The following ANXA8 variants were observed in gnomAD, a reference collection of about 807,000 sequenced individuals.
ANXA8 encodes the protein VAC-beta.
ANXA8 carries 9 observed loss-of-function variants against 26.8 expected under a neutral mutation model. The ratio of observed to expected loss-of-function variants is 0.34; its 90% CI spans 0.20 to 0.59. The LOEUF is 0.59. Ranked by LOEUF, ANXA8 falls within the 20% of genes least tolerant of loss-of-function variation. The pLI is 0.84. For missense variants in ANXA8, 83 were observed against 238.5 expected (o/e 0.35, Z 4.29); for synonymous variants, 39 against 94.8 (o/e 0.41, Z 3.42).
In ANXA8 at chr10:47,474,098, G is replaced by T. The variant is rs1162882361; in HGVS notation, c.647-33C>A. 7.8e-6 allele frequency: 4 copies of T among 515,672 alleles called. No homozygotes were observed. In the African/African-American group the frequency reaches 1.0e-4, roughly 13 times the overall value. 31.9% of individuals were successfully genotyped at this position (515,672 alleles called of 1,614,324 possible). A position where few individuals can be genotyped will look rare whatever the true frequency, so the allele number is the denominator to read the frequency against. On this transcript the variant is annotated intron_variant, in intron 8 of 11. Transcript: ENST00000585281. ...GAGGGCTCTGCTCAGGGGATGGTCAGACCTCCTCGTGATGCCCCTCAGTGT... is the reference window on the plus strand; with the variant it reads ...GAGGGCTCTGCTCAGGGGATGGTCATACCTCCTCGTGATGCCCCTCAGTGT...
chr10:47,528,084 T>G, the ANXA8 span, among the ~76,000 whole-genome samples: 1 of 133,990 alleles, frequency 7.5e-6, no homozygotes, highest in Non-Finnish European at 1.6e-5. Flanking sequence ...AACAGAATGT[T>G]TTTTTTTTTT....
the ANXA8 span, among the ~76,000 whole-genome samples, chr10:47,907,220 G>A: frequency 6.6e-6 from 1 of 152,058 alleles, no homozygotes; most frequent in Non-Finnish European, 1.5e-5. Flanking sequence ...AGCCGGGCGT[G>A]GTGGCGGGTG....
the ANXA8 span, among the ~76,000 whole-genome samples, chr10:47,605,953 A>G: frequency 6.6e-6 from 1 of 150,828 alleles, no homozygotes; most frequent in Non-Finnish European, 1.5e-5. Flanking sequence ...AAAATCAAAC[A>G]TCTATCCTTC....
chr10:47,669,564 A>T, the ANXA8 span, among the ~76,000 whole-genome samples: 1 of 151,738 alleles, frequency 6.6e-6, no homozygotes, highest in Non-Finnish European at 1.5e-5. Flanking sequence ...ACTATAGAAA[A>T]ATTAACCCGG....
the ANXA8 span, chr10:47,590,384 G>C: frequency 6.8e-6 from 1 of 146,840 alleles, no homozygotes; most frequent in South Asian, 2.1e-4. Context: ...CCCATACTTG[G>C]CCTCTCCAGG....
chr10:47,495,236 G>A, the ANXA8 span, among the ~76,000 whole-genome samples: 1 of 145,698 alleles, frequency 6.9e-6, no homozygotes, highest in African/African-American at 2.5e-5. Flanking sequence ...CGGGATTTCT[G>A]GGTCTGATAG....
the ANXA8 span, chr10:47,987,013 G>A: frequency 1.1e-5 from 6 of 541,564 alleles, no homozygotes; most frequent in East Asian, 3.1e-5. Context: ...AACACAGCCC[G>A]GGGAAAGGGG....
the ANXA8 span, among the ~76,000 whole-genome samples, chr10:47,980,566 A>T: frequency 6.6e-6 from 1 of 151,366 alleles, no homozygotes; most frequent in Non-Finnish European, 1.5e-5. Context: ...TTCCCTATAC[A>T]TTAAATTATT....
chr10:47,658,443 C>G, the ANXA8 span, among the ~76,000 whole-genome samples: 96 of 149,638 alleles, frequency 6.4e-4, no homozygotes, highest in Non-Finnish European at 1.2e-3. Context: ...ACATTTACTA[C>G]TGGATGCCTG....
the ANXA8 span, among the ~76,000 whole-genome samples, chr10:47,516,645 A>G: frequency 7.3e-6 from 1 of 137,598 alleles, no homozygotes; most frequent in Non-Finnish European, 1.5e-5. Flanking sequence ...GACATTGAGC[A>G]TATCTAGGGA....
the ANXA8 span, among the ~76,000 whole-genome samples, chr10:47,688,406 T>C: frequency 6.7e-6 from 1 of 149,764 alleles, no homozygotes; most frequent in Admixed American, 6.6e-5. Context: ...TGAGCCACCA[T>C]GGCTGGCCAA....
At position 47,484,091 on chromosome 10, in the gene ANXA8, T is replaced by G. The variant is rs1839961112; in HGVS notation, c.-158A>C. ...CGCCCAGGGCAGCGCCACACCTGCC[T>G]GCCGTCCCCTCGCCCCCGGGCTCTG... On this transcript the variant is annotated 5_prime_UTR_variant, in exon 1 of 12. Transcript: ENST00000585281. The G allele has an allele frequency of 6.3e-7, 1 of 1,586,750 alleles. No homozygotes were observed. The highest frequency in any genetic ancestry group is 8.6e-7 in the Non-Finnish European group (1 of 1,159,238).
the ANXA8 span, among the ~76,000 whole-genome samples, chr10:47,617,180 CA>C: frequency 1.7e-5 from 1 of 57,916 alleles, no homozygotes; most frequent in African/African-American, 8.3e-5. Context: ...TTAGTTGAAA[CA>C]GGGGCCTAAA....
the ANXA8 span, among the ~76,000 whole-genome samples, chr10:47,497,771 C>T: frequency 1.3e-5 from 2 of 150,386 alleles, no homozygotes; most frequent in Admixed American, 1.3e-4. Flanking sequence ...AACCCCGTCT[C>T]TACTAAACAT....
chr10:47,717,852 G>T, the ANXA8 span, among the ~76,000 whole-genome samples: 1 of 152,142 alleles, frequency 6.6e-6, no homozygotes, highest in East Asian at 1.9e-4. Context: ...ACAAAAATTA[G>T]CCAGGCATGA....
At chr10:47,695,677 A>G in the ANXA8 span, among the ~76,000 whole-genome samples, 1 of 151,750 alleles carries the variant, frequency 6.6e-6, no homozygotes, top group African/African-American at 2.4e-5. Context: ...AAATTATTTC[A>G]CTATTGTTAA....
the ANXA8 span, among the ~76,000 whole-genome samples, chr10:47,696,206 A>T: frequency 6.6e-6 from 1 of 151,892 alleles, no homozygotes; most frequent in East Asian, 1.9e-4. Context: ...TAAAGAAGCA[A>T]TTTTGTTAAT....
chr10:47,709,531 G>A, the ANXA8 span, among the ~76,000 whole-genome samples: 1 of 149,710 alleles, frequency 6.7e-6, no homozygotes, highest in African/African-American at 2.5e-5. Flanking sequence ...ACAGGAAAGA[G>A]AAAAACATTT....
chr10:47,977,658 G>T, the ANXA8 span, among the ~76,000 whole-genome samples: 1 of 151,352 alleles, frequency 6.6e-6, no homozygotes. Flanking sequence ...AAAATTCTGG[G>T]TTGAAAGTGC....
Sources: allele counts gnomAD v4.1 joint callset (sites outside exome capture counted in the v4.1 genomes callset), GRCh38; gene constraint gnomAD v4.1.1; transcripts MANE v1.5; gene names NCBI Gene and HGNC (gene_info 2026-07-23, HGNC 2026-07-21).